TMCO5A: variants seen among roughly 807,000 people sequenced by gnomAD.
TMCO5A encodes transmembrane and coiled-coil domains 5A.
A neutral mutation model predicts 42.3 loss-of-function variants in TMCO5A; 34 were observed. That is an observed-to-expected ratio of 0.80 (90% CI 0.61 to 1.07). The LOEUF is 1.07. Ranked by LOEUF, TMCO5A falls within the 50% of genes least tolerant of loss-of-function variation. The pLI, the probability that TMCO5A is intolerant of heterozygous loss-of-function variation, is 0.00. For synonymous variants in TMCO5A, 131 were observed against 115.6 expected (o/e 1.13, Z -0.86); for missense variants, 357 against 327.9 (o/e 1.09, Z -0.69).
chr15:38,002,185 G>A, the TMCO5A span, among the ~76,000 whole-genome samples: 1 of 151,490 alleles, frequency 6.6e-6, no homozygotes, highest in Non-Finnish European at 1.5e-5. Flanking sequence ...ATTTTCACAG[G>A]GTATGCTACT....
intron 9 of TMCO5A, chr15:37,942,487 T>G: frequency 2.1e-6 from 1 of 470,098 alleles, no homozygotes. Context: ...CCCTTCGTAA[T>G]GTTATCACAT....
At chr15:37,969,452 A>G (rs10152693), downstream of TMCO5A, among the ~76,000 whole-genome samples, 9,402 of 152,214 alleles carry the variant, frequency 0.062, 820 homozygotes, top group African/African-American at 0.19. Flanking sequence ...CAGTAACTCT[A>G]AGATATTTAC....
At chr15:37,946,046 A>G (rs1889939512) in intron 10 of TMCO5A, among the ~76,000 whole-genome samples, 1 of 152,138 alleles carries the variant, frequency 6.6e-6, no homozygotes, top group African/African-American at 2.4e-5. Context: ...ATTTTTGTAT[A>G]TTATGTAAGG....
chr15:37,952,009 A>C (rs1890171925), downstream of TMCO5A, among the ~76,000 whole-genome samples: 1 of 152,118 alleles, frequency 6.6e-6, no homozygotes, highest in Non-Finnish European at 1.5e-5. Flanking sequence ...TATAACAGAA[A>C]ACAAAACCAG....
At chr15:37,954,226 C>A (rs1595602639), downstream of TMCO5A, among the ~76,000 whole-genome samples, 1 of 152,084 alleles carries the variant, frequency 6.6e-6, no homozygotes, top group South Asian at 2.1e-4. Context: ...ACAGATTTAA[C>A]CCGAAGAAGA....
chr15:37,991,520 T>G, the TMCO5A span, among the ~76,000 whole-genome samples: 1 of 152,148 alleles, frequency 6.6e-6, no homozygotes, highest in Non-Finnish European at 1.5e-5. Context: ...TTTCAGCTAT[T>G]CTTTCTCTGA....
chr15:38,037,823 G>T, the TMCO5A span, among the ~76,000 whole-genome samples: 2 of 152,100 alleles, frequency 1.3e-5, no homozygotes, highest in African/African-American at 4.8e-5. Context: ...GACCAGCCTG[G>T]TAAATATGGT....
chr15:38,003,934 C>T, the TMCO5A span, among the ~76,000 whole-genome samples: 1 of 152,070 alleles, frequency 6.6e-6, no homozygotes, highest in Non-Finnish European at 1.5e-5. Context: ...AACCAAGTCC[C>T]CTTACTCTTC....
chr15:38,007,682 C>A, the TMCO5A span, among the ~76,000 whole-genome samples: 1 of 151,784 alleles, frequency 6.6e-6, no homozygotes, highest in African/African-American at 2.4e-5. Context: ...AATGAGTAAA[C>A]AATAAAATTG....
Position 37,936,406 on chromosome 15 carries a change from A to G in TMCO5A, c.83A>G (p.Asp28Gly). Residue 28 changes from aspartate (D) to glycine (G), a missense_variant, in exon 3 of 12, where the codon GAT becomes GGT. Physicochemically the swap from Asp to Gly is moderately conservative, Grantham distance 94. Coordinates refer to ENST00000319669, the MANE Select transcript of TMCO5A (RefSeq NM_152453.4). Reference sequence around the variant, plus strand: ...CTTGAAAGGGATACGCAGAGAATAGATGAAGCAAATCAGAAACTTCTTCTC... The same window carrying G: ...CTTGAAAGGGATACGCAGAGAATAGGTGAAGCAAATCAGAAACTTCTTCTC... ...MDLERDTQRI[D>G]EANQKLLLKI... 6.2e-7 allele frequency: 1 copy of G among 1,613,228 alleles called. No homozygotes were observed. Among genetic ancestry groups the G allele is most frequent in the South Asian group, 1.1e-5 (1 of 91,056 alleles).
chr15:38,017,009 G>C, the TMCO5A span, among the ~76,000 whole-genome samples: 4 of 151,906 alleles, frequency 2.6e-5, no homozygotes, highest in East Asian at 5.8e-4. Flanking sequence ...GAGAGACAGA[G>C]AGAGAGAGGA....
chr15:37,947,339 G>A (rs1004015958), intron 10 of TMCO5A, among the ~76,000 whole-genome samples: 1 of 152,020 alleles, frequency 6.6e-6, no homozygotes. Flanking sequence ...ATAGTTGAGA[G>A]AGCCAAGAAT....
chr15:38,007,931 T>C, the TMCO5A span, among the ~76,000 whole-genome samples: 2 of 124,260 alleles, frequency 1.6e-5, no homozygotes, highest in South Asian at 6.1e-4. Context: ...AGTCTCTCTC[T>C]GTTGCCCAGG....
chr15:37,934,965 T>C (rs894988816), intron 1 of TMCO5A, among the ~76,000 whole-genome samples: 2 of 152,166 alleles, frequency 1.3e-5, no homozygotes, highest in Non-Finnish European at 2.9e-5. Flanking sequence ...TTGTCTTGTA[T>C]AAACTTCCAC....
intron 6 of TMCO5A, 38 bp downstream of exon 6, chr15:37,938,267 T>C: frequency 6.7e-7 from 1 of 1,495,912 alleles, no homozygotes; most frequent in Non-Finnish European, 9.1e-7. Flanking sequence ...GGTTGGGCTA[T>C]GTAACCAGGA....
chr15:38,011,163 C>T, the TMCO5A span, among the ~76,000 whole-genome samples: 1 of 152,190 alleles, frequency 6.6e-6, no homozygotes, highest in Non-Finnish European at 1.5e-5. Context: ...GTCTGTCCCT[C>T]AAGGTGTCTC....
chr15:38,034,193 T>A, the TMCO5A span, among the ~76,000 whole-genome samples: 1 of 152,150 alleles, frequency 6.6e-6, no homozygotes, highest in African/African-American at 2.4e-5. Flanking sequence ...ATAAAGTCAC[T>A]AATCACATTC....
chr15:37,943,066 G>C (rs879285579), intron 9 of TMCO5A: 19 of 316,176 alleles, frequency 6.0e-5, no homozygotes, highest in Non-Finnish European at 1.0e-4. Context: ...TGGCTTAACT[G>C]TTAAGCCAAG....
the TMCO5A span, among the ~76,000 whole-genome samples, chr15:38,034,834 T>C: frequency 0.015 from 2,271 of 152,270 alleles, 46 homozygotes; most frequent in African/African-American, 0.052. Context: ...TGACCCCATG[T>C]GGCTCTCCTC....
Sources: gnomAD v4.1 joint callset for allele counts (sites outside exome capture counted in the v4.1 genomes callset) on GRCh38, gnomAD v4.1.1 for gene constraint, MANE v1.5 for transcripts, NCBI Gene and HGNC (gene_info 2026-07-23, HGNC 2026-07-21) for gene names.